THBS1: variants seen among roughly 807,000 people sequenced by gnomAD.
THBS1 encodes the protein thrombospondin 1, also known as thrombospondin-1.
A neutral mutation model predicts 126.1 loss-of-function variants in THBS1; 29 were observed. The observed-to-expected ratio is 0.23, with a 90% confidence interval of 0.17 to 0.31. The LOEUF is 0.31. Ranked by LOEUF, THBS1 falls within the 10% of genes least tolerant of loss-of-function variation. The probability of loss-of-function intolerance (pLI) is 1.00; values close to 1 mark genes in which losing one functional copy is unlikely to be tolerated. For missense variants in THBS1, 1,198 were observed against 1,545.2 expected, an observed-to-expected ratio of 0.78 and a Z score of 3.77; for synonymous variants, 496 against 577.8, an observed-to-expected ratio of 0.86 and a Z score of 2.03.
chr15:39,583,075 T>A (rs943705265), intron 3 of THBS1, among the ~76,000 whole-genome samples: 6 of 152,240 alleles, frequency 3.9e-5, no homozygotes, highest in African/African-American at 1.4e-4. Context: ...AGATACTCCT[T>A]AGGCTCTTAA....
Position 39,589,244 on chromosome 15 carries a change from C to T in THBS1, c.1816C>T (p.His606Tyr). The change falls in exon 12 of 22, where the codon CAC (histidine) becomes TAC (tyrosine). Residue 606 changes from histidine (H) to tyrosine (Y), a missense_variant. His to Tyr is a moderately conservative substitution (Grantham distance 83, BLOSUM62 2). Around this residue, in one of 4 missense-constraint regions of THBS1, gnomAD observed 663 missense variants for 860.1 expected, o/e 0.77. Coordinates refer to ENST00000260356, the MANE Select transcript of THBS1 (RefSeq NM_003246.4). This position sits in a 1 kb window ranked among gnomAD's most constrained non-coding sequence, Gnocchi z 4.7. ...TGCCTGCTTCAACCACAATGGAGAGCACCGGTGTGAGAACACGGACCCCGG... is the reference window on the plus strand; with the variant it reads ...TGCCTGCTTCAACCACAATGGAGAGTACCGGTGTGAGAACACGGACCCCGG... ...PDACFNHNGEHRCENTDPGYN... is the reference protein window; with the variant it reads ...PDACFNHNGEYRCENTDPGYN... 1 of 1,614,140 alleles carries T rather than the reference C, an allele frequency of 6.2e-7. No homozygotes were observed. The highest frequency in any genetic ancestry group is 8.5e-7 in the Non-Finnish European group (1 of 1,180,028).
At chr15:39,583,722 A>G in intron 4 of THBS1, 30 bp downstream of exon 4, 1 of 1,594,626 alleles carries the variant, frequency 6.3e-7, no homozygotes. Context: ...TAGGGCACAT[A>G]GGGAATCAGG....
chr15:39,582,818 G>A, intron 3 of THBS1, 66 bp downstream of exon 3: 2 of 1,500,714 alleles, frequency 1.3e-6, no homozygotes, highest in Non-Finnish European at 1.8e-6. Context: ...TGCCAGGAGG[G>A]CTACAGGAAA....
In THBS1 at chr15:39,589,459, A is replaced by AG; in HGVS notation, c.1926+108dup. 1.5e-6 allele frequency: 2 copies of AG among 1,350,734 alleles called. No homozygotes were observed. Among genetic ancestry groups the AG allele is most frequent in the Non-Finnish European group, 2.0e-6 (2 of 1,000,092 alleles). The allele number at this position is 1,350,734 out of a possible 1,614,324, so 83.7% of individuals were successfully genotyped here. A position where few individuals can be genotyped will look rare whatever the true frequency, so the allele number is the denominator to read the frequency against. ...TTTCATACCCTTCACCAAAAAAAAA[A>AG]GGGCGAGGAGATGAATGTACGGTCT... On this transcript the variant is annotated intron_variant, in intron 12 of 21. Coordinates refer to ENST00000260356, the MANE Select transcript of THBS1 (RefSeq NM_003246.4). The surrounding 1 kb of genome is among the most constrained non-coding windows in gnomAD (Gnocchi z 4.7).
intron 13 of THBS1, 39 bp downstream of exon 13, chr15:39,590,062 C>G (rs768930024): frequency 3.4e-6 from 5 of 1,487,274 alleles, no homozygotes; most frequent in Non-Finnish European, 4.5e-6. Flanking sequence ...GAAAGAGGGC[C>G]CATCACCTTA....
In THBS1 at chr15:39,592,745, C is replaced by T. The variant is rs1890351266; in HGVS notation, c.2710C>T (p.Pro904Ser). 5 of 1,614,164 alleles carry T rather than the reference C, an allele frequency of 3.1e-6. No homozygotes were observed. The highest frequency in any genetic ancestry group is 2.2e-5 in the East Asian group (1 of 44,878). The change falls in exon 17 of 22, where the codon CCT becomes TCT. Residue 904 changes from proline to serine, a missense_variant. Coordinates refer to ENST00000260356, the MANE Select transcript of THBS1 (RefSeq NM_003246.4). The surrounding 1 kb of genome is among the most constrained non-coding windows in gnomAD (Gnocchi z 4.3). ...CDHDDDNDGI[P>S]DDKDNCRLVP... Reference sequence around the variant, plus strand: ...CCACGATGATGACAACGATGGCATTCCTGATGACAAGGACAACTGCAGACT... The same window carrying T: ...CCACGATGATGACAACGATGGCATTTCTGATGACAAGGACAACTGCAGACT...
At position 39,594,168 on chromosome 15, in the gene THBS1, A is replaced by C; in HGVS notation, c.3337A>C (p.Ser1113Arg). ...TTTCACCGCCTACAGATGGCGTCTC[A>C]GCCACAGGCCAAAGACGGGTTTCAT... Reference protein sequence around the residue: ...KDFTAYRWRLSHRPKTGFIRV... With the variant: ...KDFTAYRWRLRHRPKTGFIRV... The change falls in exon 20 of 22, where the codon AGC (serine) becomes CGC (arginine). Residue 1113 changes from serine (S) to arginine (R), a missense_variant. This residue lies in a region of THBS1 where 255 missense variants were observed against 373.9 expected (regional missense o/e 0.68). Coordinates refer to ENST00000260356, the MANE Select transcript of THBS1 (RefSeq NM_003246.4). The surrounding 1 kb of genome is among the most constrained non-coding windows in gnomAD (Gnocchi z 4.4). The C allele has an allele frequency of 6.2e-7, 1 of 1,614,204 alleles. No homozygotes were observed. The highest frequency in any genetic ancestry group is 8.5e-7 in the Non-Finnish European group (1 of 1,180,018).
rs776423245 is a variant in THBS1 at position 39,587,503 on chromosome 15, A to T, written c.1277A>T (p.Gln426Leu). 1 of 1,613,218 alleles carries T rather than the reference A, an allele frequency of 6.2e-7. No homozygotes were observed. Among genetic ancestry groups the T allele is most frequent in the Non-Finnish European group, 8.5e-7 (1 of 1,179,472 alleles). ...GTCCAGACACGGACCTGCCACATTC[A>T]GGAGTGTGACAAGAGATGTAAGCAT... Reference protein sequence around the residue: ...SSVQTRTCHIQECDKRFKQDG... With the variant: ...SSVQTRTCHILECDKRFKQDG... Residue 426 changes from glutamine (Q) to leucine (L), a missense_variant, in exon 8 of 22, where the codon CAG (glutamine) becomes CTG (leucine). By Grantham distance (113) the Gln-to-Leu change is moderately radical. Around this residue, in one of 4 missense-constraint regions of THBS1, gnomAD observed 663 missense variants for 860.1 expected, o/e 0.77. Coordinates refer to ENST00000260356, the MANE Select transcript of THBS1 (RefSeq NM_003246.4).
In THBS1 at chr15:39,587,460, C is replaced by T. The variant is rs1385760687; in HGVS notation, c.1234C>T (p.Arg412Ter). The T allele has an allele frequency of 2.5e-6, 4 of 1,613,810 alleles. No homozygotes were observed. The highest frequency in any genetic ancestry group is 2.2e-5 in the East Asian group (1 of 44,874). Residue 412 changes from arginine to a stop codon, truncating the protein, a stop_gained, in exon 8 of 22, where the codon CGA (arginine) becomes TGA (stop). Transcript: ENST00000260356. LOFTEE classifies it high-confidence loss of function. ...RGRSCDSLNN[R>*]CEGSSVQTRT... Reference sequence around the variant, plus strand: ...CCGCTCCTGCGATAGCCTCAACAACCGATGTGAGGGCTCCTCGGTCCAGAC... The same window carrying T: ...CCGCTCCTGCGATAGCCTCAACAACTGATGTGAGGGCTCCTCGGTCCAGAC...
In THBS1 at chr15:39,592,884, C is replaced by A; in HGVS notation, c.2767+82C>A. ...GAAGAAATGAAACCAAGGCTCAAAG[C>A]ATTTGACAGGATGAAGGGACCAAAT... On this transcript the variant is annotated intron_variant, in intron 17 of 21. Coordinates refer to ENST00000260356, the MANE Select transcript of THBS1 (RefSeq NM_003246.4). The surrounding 1 kb of genome is among the most constrained non-coding windows in gnomAD (Gnocchi z 4.3). 1 of 1,547,580 alleles carries A rather than the reference C, an allele frequency of 6.5e-7. No homozygotes were observed. Among genetic ancestry groups the A allele is most frequent in the Non-Finnish European group, 8.8e-7 (1 of 1,132,312 alleles).
At chr15:39,585,626 A>T in intron 7 of THBS1, 63 bp downstream of exon 7, 2 of 1,468,074 alleles carry the variant, frequency 1.4e-6, no homozygotes, top group Non-Finnish European at 1.9e-6. Context: ...TACATCCTAG[A>T]CAGCCGAGCA....
At position 39,582,391 on chromosome 15, in the gene THBS1, T is replaced by A; in HGVS notation, c.266T>A (p.Leu89His). The A allele has an allele frequency of 6.2e-7, 1 of 1,614,128 alleles. No homozygotes were observed. The highest frequency in any genetic ancestry group is 8.5e-7 in the Non-Finnish European group (1 of 1,180,026). The change falls in exon 3 of 22, where the codon CTC (leucine) becomes CAC (histidine). Residue 89 changes from leucine (L) to histidine (H), a missense_variant. Physicochemically the swap from Leu to His is moderately conservative, Grantham distance 99. Coordinates refer to ENST00000260356, the MANE Select transcript of THBS1 (RefSeq NM_003246.4). ...GCTGTGCGGGCAGAAAAGGGTTTCCTCCTTCTGGCATCCCTGAGGCAGATG... is the reference window on the plus strand; with the variant it reads ...GCTGTGCGGGCAGAAAAGGGTTTCCACCTTCTGGCATCCCTGAGGCAGATG... ...VDAVRAEKGFLLLASLRQMKK... is the reference protein window; with the variant it reads ...VDAVRAEKGFHLLASLRQMKK...
In THBS1 at chr15:39,589,795, G is replaced by A. The variant is rs544707091; in HGVS notation, c.1927-10G>A. The A allele has an allele frequency of 2.5e-6, 4 of 1,592,116 alleles. No homozygotes were observed. The highest frequency in any genetic ancestry group is 1.3e-5 in the African/African-American group (1 of 74,428). On this transcript the variant is annotated splice_polypyrimidine_tract_variant and intron_variant, in intron 12 of 21. Coordinates refer to ENST00000260356, the MANE Select transcript of THBS1 (RefSeq NM_003246.4). The surrounding 1 kb of genome is among the most constrained non-coding windows in gnomAD (Gnocchi z 4.7). The stretch of plus-strand genomic sequence containing the variant: ...AAGCTCTGTGTAACAGCAGCATGGT[G>A]TACCCTCAGGTGTGCAAGCCCCGTA...
chr15:39,591,616 C>T lies in THBS1; in HGVS notation c.2525C>T (p.Pro842Leu), dbSNP rs776459439. The T allele has an allele frequency of 5.0e-6, 8 of 1,613,772 alleles. No individual in the cohort carries two copies. The highest frequency in any genetic ancestry group is 1.6e-4 in the Middle Eastern group (1 of 6,082). ...GACAATTGCCCCTTGGAACACAATC[C>T]GGATCAGGTAGGTGGATGGACTCCT... Reference protein sequence around the residue: ...QCDNCPLEHNPDQLDSDSDRI... With the variant: ...QCDNCPLEHNLDQLDSDSDRI... The change falls in exon 16 of 22, where the codon CCG becomes CTG. Residue 842 changes from proline (P) to leucine (L), a missense_variant. Around this residue, in one of 4 missense-constraint regions of THBS1, gnomAD observed 663 missense variants for 860.1 expected, o/e 0.77. Transcript: ENST00000260356.
chr15:39,588,856 C>G lies in THBS1; in HGVS notation c.1646-103C>G, dbSNP rs771237531. The stretch of plus-strand genomic sequence containing the variant: ...ACATAATCCCAACAAGTTATCGGTT[C>G]CCTATACCCTATAATATCTTACACT... On this transcript the variant is annotated intron_variant, in intron 10 of 21. Transcript: ENST00000260356. 1.0e-5 allele frequency: 16 copies of G among 1,601,264 alleles called. No homozygotes were observed. In the East Asian group the frequency reaches 2.7e-4, roughly 27 times the overall value.
chr15:39,582,073 C>A (rs2140342212), intron 2 of THBS1, 120 bp from the exon 3 acceptor site: 1 of 1,332,478 alleles, frequency 7.5e-7, no homozygotes, highest in Non-Finnish European at 1.0e-6. Flanking sequence ...ATTTATTCAC[C>A]TCTTTCAGTG....
rs1416583899 is a variant in THBS1 at position 39,595,810 on chromosome 15, G to A, written c.*441G>A. 3 of 460,058 alleles carry A rather than the reference G, an allele frequency of 6.5e-6. No individual in the cohort carries two copies. Among genetic ancestry groups the A allele is most frequent in the African/African-American group, 4.0e-5 (2 of 50,264 alleles). The allele number at this position is 460,058 out of a possible 1,614,324, so 28.5% of individuals were successfully genotyped here. On this transcript the variant is annotated 3_prime_UTR_variant, in exon 22 of 22. Coordinates refer to ENST00000260356, the MANE Select transcript of THBS1 (RefSeq NM_003246.4). ...CTGACATCCTCCTTCAGGAACACGG[G>A]GAGCAGAGGCCAAAGCACTAAGGGG...
Position 39,594,125 on chromosome 15 carries a change from T to A in THBS1, c.3294T>A (p.Arg1098=). 1 of 1,614,080 alleles carries A rather than the reference T, an allele frequency of 6.2e-7. No homozygotes were observed. The part of the protein sequence containing the change: ...GQVRTLWHDP[R]HIGWKDFTAY... ...TGCGCACCCTGTGGCATGACCCTCG[T>A]CACATAGGCTGGAAAGATTTCACCG... Residue 1098 remains arginine, a synonymous_variant, in exon 20 of 22, where the codon CGT becomes CGA. Transcript: ENST00000260356. The surrounding 1 kb of genome is among the most constrained non-coding windows in gnomAD (Gnocchi z 4.4).
chr15:39,581,679 G>A, intron 1 of THBS1, 150 bp from the exon 2 acceptor site: 5 of 491,492 alleles, frequency 1.0e-5, no homozygotes, highest in Non-Finnish European at 1.8e-5. Context: ...ATGCTCTCTG[G>A]AAAGTAATCC....
Sources: gnomAD v4.1 joint callset for allele counts (sites outside exome capture counted in the v4.1 genomes callset) on GRCh38, gnomAD v4.1.1 for gene constraint, gnomAD v4.1.1 regional missense constraint, Gnocchi (gnomAD v3.1) non-coding constraint, MANE v1.5 for transcripts, NCBI Gene and HGNC (gene_info 2026-07-23, HGNC 2026-07-21) for gene names.